The following KCNIP4 variants were observed in gnomAD, a reference collection of about 807,000 sequenced individuals.
KCNIP4 encodes Kv channel-interacting protein 4.
KCNIP4 carries 12 observed loss-of-function variants against 34.0 expected under a neutral mutation model. The ratio of observed to expected loss-of-function variants is 0.35; its 90% CI spans 0.23 to 0.57. The LOEUF (loss-of-function observed/expected upper bound fraction) is 0.57, where lower values mean the gene tolerates loss of function less well. Among genes scored for constraint, KCNIP4 ranks in the 20% least tolerant of loss-of-function variants. KCNIP4 has a pLI of 0.83. For missense variants in KCNIP4, 238 were observed against 311.7 expected (o/e 0.76, Z 1.78); for synonymous variants, 124 against 102.2 (o/e 1.21, Z -1.29).
intron 1 of KCNIP4, among the ~76,000 whole-genome samples, chr4:21,495,229 T>C (rs144585473): frequency 2.2e-4 from 33 of 150,088 alleles, no homozygotes; most frequent in African/African-American, 8.4e-4. Flanking sequence ...AGAGAGGAAC[T>C]GCAGGAGGAA....
chr4:21,743,486 C>T (rs985218900), intron 1 of KCNIP4, among the ~76,000 whole-genome samples: 2 of 151,084 alleles, frequency 1.3e-5, no homozygotes, highest in African/African-American at 4.9e-5. Flanking sequence ...ATCAAGGATC[C>T]ATAACTTAAT....
chr4:21,354,641 C>T (rs1718378937), intron 1 of KCNIP4, among the ~76,000 whole-genome samples: 1 of 152,162 alleles, frequency 6.6e-6, no homozygotes, highest in Admixed American at 6.5e-5. Flanking sequence ...CACCAAGATT[C>T]TTAAAGCAAG....
intron 1 of KCNIP4, among the ~76,000 whole-genome samples, chr4:21,561,492 A>G (rs1022845345): frequency 6.6e-6 from 1 of 151,948 alleles, no homozygotes; most frequent in Non-Finnish European, 1.5e-5. Context: ...TAACTCAGAA[A>G]TTTTTAATTA....
intron 1 of KCNIP4, among the ~76,000 whole-genome samples, chr4:21,455,496 A>G (rs1728847473): frequency 6.6e-6 from 1 of 152,014 alleles, no homozygotes; most frequent in Non-Finnish European, 1.5e-5. Flanking sequence ...ACTGACATTC[A>G]TTGAGCACTT....
chr4:21,405,363 A>G (rs1723893854), intron 1 of KCNIP4, among the ~76,000 whole-genome samples: 1 of 152,154 alleles, frequency 6.6e-6, no homozygotes, highest in Non-Finnish European at 1.5e-5. Flanking sequence ...CTTATTGTGT[A>G]TCATTGAGTA....
chr4:21,532,287 C>T (rs1490089294), intron 1 of KCNIP4, among the ~76,000 whole-genome samples: 3 of 152,054 alleles, frequency 2.0e-5, no homozygotes, highest in Non-Finnish European at 4.4e-5. Context: ...AACTGCATTT[C>T]TTTGTTATGA....
At chr4:21,828,648 A>G (rs1366298140) in intron 1 of KCNIP4, among the ~76,000 whole-genome samples, 1 of 152,032 alleles carries the variant, frequency 6.6e-6, no homozygotes, top group Non-Finnish European at 1.5e-5. Flanking sequence ...CTTACAGACT[A>G]ATAGTGATTA....
At chr4:20,743,817 A>G (rs1282067081) in intron 5 of KCNIP4, among the ~76,000 whole-genome samples, 2 of 152,132 alleles carry the variant, frequency 1.3e-5, no homozygotes, top group Non-Finnish European at 1.5e-5. Context: ...AGAAACTACC[A>G]TCAGAGTGAA....
At chr4:21,685,499 C>A (rs1028039394) in intron 1 of KCNIP4, among the ~76,000 whole-genome samples, 1 of 152,296 alleles carries the variant, frequency 6.6e-6, no homozygotes, top group Middle Eastern at 3.4e-3. Context: ...CAAGCCACCA[C>A]CTGAGGCACT....
At chr4:20,733,211 G>A (rs1176764244) in intron 6 of KCNIP4, among the ~76,000 whole-genome samples, 1 of 152,096 alleles carries the variant, frequency 6.6e-6, no homozygotes, top group Non-Finnish European at 1.5e-5. Context: ...TTTAGAATTA[G>A]TGAAATTAAT....
At chr4:21,763,407 T>G (rs1718188356) in intron 1 of KCNIP4, among the ~76,000 whole-genome samples, 1 of 152,198 alleles carries the variant, frequency 6.6e-6, no homozygotes, top group Non-Finnish European at 1.5e-5. Flanking sequence ...GTTTAATCAT[T>G]CCTTTCTTTT....
At chr4:21,414,732 G>T (rs1008321087) in intron 1 of KCNIP4, among the ~76,000 whole-genome samples, 1 of 152,098 alleles carries the variant, frequency 6.6e-6, no homozygotes, top group African/African-American at 2.4e-5. Flanking sequence ...ACATACAATG[G>T]AATATTATTG....
rs952558446 is a variant in KCNIP4 at position 21,422,529 on chromosome 4, G to A, written c.61+526042C>T. ...TACCTTTTTAACAAGCCATAGGATA[G>A]AGATGATTGGCAAGATTGCTTTAAG... On this transcript the variant is annotated intron_variant, in intron 1 of 8. Coordinates refer to ENST00000382152, the MANE Select transcript of KCNIP4 (RefSeq NM_025221.6). Among the ~76,000 whole-genome samples, 33 of 151,988 alleles carry A rather than the reference G, an allele frequency of 2.2e-4. 1 individual carries two copies. Among genetic ancestry groups the A allele is most frequent in the Admixed American group, 1.8e-3 (28 of 15,240 alleles).
intron 1 of KCNIP4, among the ~76,000 whole-genome samples, chr4:21,008,983 T>G (rs1738822451): frequency 2.6e-5 from 4 of 152,006 alleles, no homozygotes; most frequent in Admixed American, 2.6e-4. Context: ...CTGTCTGCCT[T>G]ATGTATTTTG....
At chr4:21,226,101 T>C (rs183204426) in intron 1 of KCNIP4, among the ~76,000 whole-genome samples, 1 of 151,464 alleles carries the variant, frequency 6.6e-6, no homozygotes, top group African/African-American at 2.4e-5. Context: ...ACTGTAGAGA[T>C]GAAGAGACTG....
At chr4:21,567,523 T>C (rs1740002634) in intron 1 of KCNIP4, among the ~76,000 whole-genome samples, 1 of 152,072 alleles carries the variant, frequency 6.6e-6, no homozygotes, top group South Asian at 2.1e-4. Context: ...AAAACCTTAG[T>C]ATACATAATA....
intron 1 of KCNIP4, among the ~76,000 whole-genome samples, chr4:21,667,690 T>G (rs559464172): frequency 2.1e-4 from 32 of 152,372 alleles, no homozygotes; most frequent in African/African-American, 6.7e-4. Flanking sequence ...TAGTAAGGTA[T>G]GGAACAAAGT....
chr4:21,153,911 T>G (rs564237418), intron 1 of KCNIP4, among the ~76,000 whole-genome samples: 3 of 151,716 alleles, frequency 2.0e-5, no homozygotes, highest in Non-Finnish European at 4.4e-5. Context: ...TATCAGAGAC[T>G]TACAGCCAAA....
intron 1 of KCNIP4, among the ~76,000 whole-genome samples, chr4:21,283,263 A>T (rs1054610059): frequency 6.6e-6 from 1 of 152,072 alleles, no homozygotes; most frequent in South Asian, 2.1e-4. Flanking sequence ...TGATTGTACA[A>T]CTTGGTATAT....
Sources: allele counts gnomAD v4.1 joint callset (sites outside exome capture counted in the v4.1 genomes callset), GRCh38; gene constraint gnomAD v4.1.1; transcripts MANE v1.5; gene names NCBI Gene and HGNC (gene_info 2026-07-23, HGNC 2026-07-21).